LRP1: variants seen among roughly 807,000 people sequenced by gnomAD.
LRP1 encodes the protein LDL receptor related protein 1, also known as prolow-density lipoprotein receptor-related protein 1.
LRP1 carries 51 observed loss-of-function variants against 541.5 expected under a neutral mutation model. The ratio of observed to expected loss-of-function variants is 0.09; its 90% CI spans 0.08 to 0.12. LRP1 has a LOEUF of 0.12. Ranked by LOEUF, LRP1 falls within the 10% of genes least tolerant of loss-of-function variation. The pLI is 1.00. For missense variants in LRP1, 3,878 were observed against 6,376.2 expected (o/e 0.61, Z 13.34); for synonymous variants, 2,219 against 2,470.8 (o/e 0.90, Z 3.02).
intron 43 of LRP1, 138 bp from the exon 44 acceptor site, chr12:57,191,182 G>A: frequency 6.3e-6 from 7 of 1,112,428 alleles, no homozygotes; most frequent in South Asian, 6.1e-5. Flanking sequence ...CTCCTCATCA[G>A]CTAGACGAGG....
Position 57,145,231 on chromosome 12 carries a change from A to G in LRP1, c.582A>G (p.Pro194=). The G allele has an allele frequency of 3.1e-6, 5 of 1,614,142 alleles. No individual in the cohort carries two copies. Among genetic ancestry groups the G allele is most frequent in the Non-Finnish European group, 4.2e-6 (5 of 1,180,018 alleles). Residue 194 remains proline (P), a synonymous_variant, in exon 6 of 89, where the codon CCA becomes CCG. Transcript: ENST00000243077. ...DNRSCKAKNE[P]VDRPPVLLIA... ...TCTTCTCTTCCCCATTCCCAGAGCC[A>G]GTAGACCGGCCCCCTGTGCTGTTGA... is the stretch of plus-strand genomic sequence containing the variant.
chr12:57,161,175 G>A lies in LRP1; in HGVS notation c.2202+60G>A, dbSNP rs79491881. On this transcript the variant is annotated intron_variant, in intron 13 of 88. Transcript: ENST00000243077. ...GTGTGTTGCTAGACCATGCTTGGGC[G>A]TGGATGAGGTTCTGTGTGAGTATGT... 3,433 of 1,524,844 alleles carry A rather than the reference G, an allele frequency of 2.3e-3. 7 individuals are homozygous for A. The highest frequency in any genetic ancestry group is 2.7e-3 in the Non-Finnish European group (3,000 of 1,114,080). The allele number at this position is 1,524,844 out of a possible 1,614,324, so 94.5% of individuals were successfully genotyped here.
Position 57,156,719 on chromosome 12 carries a change from C to T in LRP1, c.1418-58C>T. The T allele has an allele frequency of 6.5e-7, 1 of 1,535,092 alleles. No homozygotes were observed. The highest frequency in any genetic ancestry group is 1.4e-5 in the African/African-American group (1 of 73,090). Reference sequence around the variant, plus strand: ...GGTGTGGTCAGATTCAGGAAGCCTTCTCAAGGCCTGGCACAGGGGCTCTGA... The same window carrying T: ...GGTGTGGTCAGATTCAGGAAGCCTTTTCAAGGCCTGGCACAGGGGCTCTGA... On this transcript the variant is annotated intron_variant, in intron 9 of 88. Transcript: ENST00000243077. This position sits in a 1 kb window ranked among gnomAD's most constrained non-coding sequence, Gnocchi z 5.2.
rs750090702 is a variant in LRP1 at position 57,192,850 on chromosome 12, C to T, written c.7435C>T (p.Leu2479Phe). The part of the protein sequence containing the change: ...AVANDTNSCE[L>F]SPCRINNGGC... ...CCCACCCTGTCCCTGCTCAGGTGAA[C>T]TCTCTCCATGCCGAATCAACAACGG... The change falls in exon 45 of 89, where the codon CTC (leucine) becomes TTC (phenylalanine). Residue 2479 changes from leucine (L) to phenylalanine (F), a missense_variant. Transcript: ENST00000243077. The T allele has an allele frequency of 6.2e-7, 1 of 1,614,114 alleles. No homozygotes were observed. Among genetic ancestry groups the T allele is most frequent in the Middle Eastern group, 1.6e-4 (1 of 6,062 alleles).
Position 57,205,292 on chromosome 12 carries a change from G to T in LRP1, c.11335+43G>T. ...ACCGGACGCTGGTGGGGAGTGGGGAGAGCCAAGCCCTGGCCTGGGGTGGCT... is the reference window on the plus strand; with the variant it reads ...ACCGGACGCTGGTGGGGAGTGGGGATAGCCAAGCCCTGGCCTGGGGTGGCT... On this transcript the variant is annotated intron_variant, in intron 73 of 88. Coordinates refer to ENST00000243077, the MANE Select transcript of LRP1 (RefSeq NM_002332.3). This position sits in a 1 kb window ranked among gnomAD's most constrained non-coding sequence, Gnocchi z 4.6. 1 of 1,595,998 alleles carries T rather than the reference G, an allele frequency of 6.3e-7. No homozygotes were observed. Among genetic ancestry groups the T allele is most frequent in the African/African-American group, 1.3e-5 (1 of 74,810 alleles).
At chr12:57,171,969 C>T (rs1305708761) in intron 20 of LRP1, among the ~76,000 whole-genome samples, 1 of 152,108 alleles carries the variant, frequency 6.6e-6, no homozygotes, top group African/African-American at 2.4e-5. Context: ...CCCCTCTGCA[C>T]GGCCTGCAGG....
Position 57,162,199 on chromosome 12 carries a change from G to C in LRP1, c.2203-118G>C. ...ACTCTCTGGGGCTCCCAGGCTAATG[G>C]GGGAAACAAAGCAAAACCCATGCCC... On this transcript the variant is annotated intron_variant, in intron 13 of 88. Coordinates refer to ENST00000243077, the MANE Select transcript of LRP1 (RefSeq NM_002332.3). The surrounding 1 kb of genome is among the most constrained non-coding windows in gnomAD (Gnocchi z 5.2). The C allele has an allele frequency of 2.2e-6, 2 of 890,908 alleles. No individual in the cohort carries two copies. Among genetic ancestry groups the C allele is most frequent in the Non-Finnish European group, 3.7e-6 (2 of 542,052 alleles). The allele number at this position is 890,908 out of a possible 1,614,324, so 55.2% of individuals were successfully genotyped here.
chr12:57,133,331 G>C (rs150202934), intron 1 of LRP1, among the ~76,000 whole-genome samples: 1 of 152,086 alleles, frequency 6.6e-6, no homozygotes, highest in Admixed American at 6.5e-5. Context: ...GGGAGGTCAC[G>C]GGTCAGGCTA....
chr12:57,174,659 G>A (rs1170288594), intron 22 of LRP1, among the ~76,000 whole-genome samples: 1 of 152,220 alleles, frequency 6.6e-6, no homozygotes, highest in Non-Finnish European at 1.5e-5. Context: ...CAGCTACTTG[G>A]GAGGCAGAGG....
At chr12:57,131,230 C>G (rs1432473261) in intron 1 of LRP1, among the ~76,000 whole-genome samples, 2 of 152,298 alleles carry the variant, frequency 1.3e-5, no homozygotes, top group East Asian at 3.9e-4. Flanking sequence ...GCTTTCCCAC[C>G]TCTTCTGCTT....
Position 57,180,692 on chromosome 12 carries a change from G to C in LRP1, c.5412G>C (p.Gln1804His), listed in dbSNP as rs759534632. The change falls in exon 33 of 89, where the codon CAG becomes CAC. Residue 1804 changes from glutamine to histidine, a missense_variant. Around this residue, in one of 13 missense-constraint regions of LRP1, gnomAD observed 394 missense variants for 635.9 expected, o/e 0.62. Transcript: ENST00000243077. ...IMGDKLWWAD[Q>H]VSEKMGTCSK... The stretch of plus-strand genomic sequence containing the variant: ...GGGACAAGCTGTGGTGGGCTGATCA[G>C]GTGTCGGAAAAGATGGGCACATGCA... 3.1e-6 allele frequency: 5 copies of C among 1,613,946 alleles called. No individual in the cohort carries two copies. The highest frequency in any genetic ancestry group is 4.2e-6 in the Non-Finnish European group (5 of 1,179,922).
intron 44 of LRP1, among the ~76,000 whole-genome samples, chr12:57,192,377 C>T (rs1441968911): frequency 6.6e-6 from 1 of 152,188 alleles, no homozygotes; most frequent in African/African-American, 2.4e-5. Flanking sequence ...TCATCCATGC[C>T]CTCGGTGCCC....
chr12:57,163,934 C>T lies in LRP1; in HGVS notation c.2530+951C>T, dbSNP rs183817450. On this transcript the variant is annotated intron_variant, in intron 15 of 88. Coordinates refer to ENST00000243077, the MANE Select transcript of LRP1 (RefSeq NM_002332.3). ...ACCTGTAATCCCAGCACTTTGGGAG[C>T]CCAAGGCGGGTGAATCACTTGAGGT... Among the ~76,000 whole-genome samples, 46 of 152,058 alleles carry T rather than the reference C, an allele frequency of 3.0e-4. No individual in the cohort carries two copies. In the South Asian group the frequency reaches 5.2e-3, roughly 17 times the overall value.
chr12:57,165,046 G>A lies in LRP1; in HGVS notation c.2531-759G>A, dbSNP rs1341997938. 2.6e-5 allele frequency: 4 copies of A among 152,350 alleles called. No individual in the cohort carries two copies. Among genetic ancestry groups the A allele is most frequent in the African/African-American group, 9.7e-5 (4 of 41,422 alleles). 9.4% of individuals were successfully genotyped at this position (152,350 alleles called of 1,614,324 possible). On this transcript the variant is annotated intron_variant, in intron 15 of 88. Coordinates refer to ENST00000243077, the MANE Select transcript of LRP1 (RefSeq NM_002332.3). This position sits in a 1 kb window ranked among gnomAD's most constrained non-coding sequence, Gnocchi z 4.5. ...GTTGGTACAGAAGCATGATGTAAGG[G>A]GAAGAACAGTCCAGGGAACAGCAGT...
At chr12:57,207,500 C>T (rs1462691433) in intron 76 of LRP1, among the ~76,000 whole-genome samples, 1 of 149,688 alleles carries the variant, frequency 6.7e-6, no homozygotes, top group Non-Finnish European at 1.5e-5. Flanking sequence ...CACTGCACTC[C>T]AGCCTGGATG....
chr12:57,145,615 G>A (rs2035389668), intron 6 of LRP1, 125 bp downstream of exon 6: 2 of 1,256,522 alleles, frequency 1.6e-6, no homozygotes, highest in East Asian at 2.3e-5. Flanking sequence ...AGAAGCAGGA[G>A]GCTGGATACA....
rs2229280 is a variant in LRP1, at chr12:57,178,440, G to A, written c.4443G>A (p.Pro1481=). 261 of 1,614,242 alleles carry A rather than the reference G, an allele frequency of 1.6e-4. 1 individual carries two copies. The Admixed American group carries it at 3.7e-3, about 23-fold the overall frequency. The change falls in exon 27 of 89, where the codon CCG becomes CCA. Residue 1481 remains proline (P), a synonymous_variant. Transcript: ENST00000243077. This position sits in a 1 kb window ranked among gnomAD's most constrained non-coding sequence, Gnocchi z 5.8. ...VLRGHEFLSH[P]FAVTLYGGEV... ...GGGGACACGAGTTCCTGTCGCACCC[G>A]TTTGCAGTGACGCTGTACGGGGGGG...
chr12:57,139,334 C>T (rs1487695084), intron 2 of LRP1, among the ~76,000 whole-genome samples: 1 of 152,116 alleles, frequency 6.6e-6, no homozygotes, highest in Non-Finnish European at 1.5e-5. Flanking sequence ...CACCCCCACC[C>T]GTAATTATCA....
Position 57,195,770 on chromosome 12 carries a change from C to G in LRP1, c.8550C>G (p.Ser2850=), listed in dbSNP as rs77664066. 200 of 1,614,178 alleles carry G rather than the reference C, an allele frequency of 1.2e-4. No homozygotes were observed. The African/African-American group carries it at 2.5e-3, about 20-fold the overall frequency. The change falls in exon 53 of 89, where the codon TCC becomes TCG. Residue 2850 remains serine (S), a synonymous_variant. Coordinates refer to ENST00000243077, the MANE Select transcript of LRP1 (RefSeq NM_002332.3). ...DRDCADGSDE[S]PECEYPTCGP... ...ACTGTGCAGATGGCTCTGATGAGTC[C>G]CCCGAGTGTGGTGAGCCTTCGGCGG...
Sources: gnomAD v4.1 joint callset for allele counts (sites outside exome capture counted in the v4.1 genomes callset) on GRCh38, gnomAD v4.1.1 for gene constraint, gnomAD v4.1.1 regional missense constraint, Gnocchi (gnomAD v3.1) non-coding constraint, MANE v1.5 for transcripts, NCBI Gene and HGNC (gene_info 2026-07-23, HGNC 2026-07-21) for gene names.